The following MAP3K15 variants were observed in gnomAD, a reference collection of about 807,000 sequenced individuals.
MAP3K15 encodes the protein mitogen-activated protein kinase kinase kinase 15, also known as MAPK/ERK kinase kinase 15.
Under a neutral mutation model 99.5 loss-of-function variants are expected in MAP3K15, and 124 were observed. The observed-to-expected ratio is 1.25, with a 90% confidence interval of 1.08 to 1.45. The LOEUF is 1.45. MAP3K15 is among the 40% of genes most tolerant of loss of function. The pLI is 0.00. For missense variants in MAP3K15, 1,242 were observed against 1,079.7 expected, an observed-to-expected ratio of 1.15 and a Z score of -2.11; for synonymous variants, 494 against 439.6, an observed-to-expected ratio of 1.12 and a Z score of -1.55.
chrX:19,413,467 G>T lies in MAP3K15; in HGVS notation c.1591-3C>A. 6 of 1,180,544 alleles carry T rather than the reference G, an allele frequency of 5.1e-6. No individual in the cohort carries two copies. Among genetic ancestry groups the T allele is most frequent in the Non-Finnish European group, 5.7e-6 (5 of 871,036 alleles). On this transcript the variant is annotated splice_region_variant and splice_polypyrimidine_tract_variant and intron_variant, in intron 10 of 28. Coordinates refer to ENST00000338883, the MANE Select transcript of MAP3K15 (RefSeq NM_001001671.4). Reference sequence around the variant, plus strand: ...TTGGTTGGCTCTATGACCAGAACCTGAAACAAGAACAGATGCCTGTTAACG... The same window carrying T: ...TTGGTTGGCTCTATGACCAGAACCTTAAACAAGAACAGATGCCTGTTAACG...
intron 6 of MAP3K15, among the ~76,000 whole-genome samples, chrX:19,454,695 A>G (rs2064079542): frequency 8.9e-6 from 1 of 111,929 alleles, no homozygotes; most frequent in South Asian, 3.7e-4. Flanking sequence ...CTTGTCCATC[A>G]CTATTTTCCC....
intron 9 of MAP3K15, among the ~76,000 whole-genome samples, chrX:19,421,388 GACAA>G (rs2063782939): frequency 1.8e-5 from 2 of 110,567 alleles, no homozygotes; most frequent in African/African-American, 6.7e-5. Context: ...ACCACTAACA[GACAA>G]ACAGAGAGCC....
intron 13 of MAP3K15, among the ~76,000 whole-genome samples, chrX:19,405,751 C>G (rs946881392): frequency 1.8e-5 from 2 of 111,959 alleles, no homozygotes; most frequent in African/African-American, 6.5e-5. Context: ...TTGTCTACAA[C>G]TTACTTTTAA....
At chrX:19,396,261 C>T (rs905796475) in intron 15 of MAP3K15, among the ~76,000 whole-genome samples, 12 of 112,013 alleles carry the variant, frequency 1.1e-4, no homozygotes. Context: ...ATCATAAGTT[C>T]AGCCTATAAA....
At chrX:19,459,799 G>A (rs749633204) in intron 5 of MAP3K15, among the ~76,000 whole-genome samples, 186 bp downstream of exon 5, 3 of 112,027 alleles carry the variant, frequency 2.7e-5, no homozygotes, top group Non-Finnish European at 3.8e-5. Flanking sequence ...GCAGTGAGCC[G>A]AGATCGCACC....
At position 19,375,258 on chromosome X, in the gene MAP3K15, G is replaced by A. The variant is rs778329172; in HGVS notation, c.2590-598C>T. On this transcript the variant is annotated intron_variant, in intron 19 of 28. Coordinates refer to ENST00000338883, the MANE Select transcript of MAP3K15 (RefSeq NM_001001671.4). The stretch of plus-strand genomic sequence containing the variant: ...CAGCCTAGGGCGGCATGTCCTCTAA[G>A]GATACTCAAAGGCATCTGTTACCTG... Among the ~76,000 whole-genome samples the A allele has an allele frequency of 2.7e-5, 3 of 112,235 alleles. No homozygotes were observed. In the South Asian group the frequency reaches 1.1e-3, roughly 41 times the overall value.
intron 6 of MAP3K15, among the ~76,000 whole-genome samples, chrX:19,437,899 T>A (rs2063933407): frequency 9.0e-6 from 1 of 111,613 alleles, no homozygotes; most frequent in Non-Finnish European, 1.9e-5. Flanking sequence ...TCCTGTGTGG[T>A]CCTATAGTTT....
At position 19,400,603 on chromosome X, in the gene MAP3K15, C is replaced by G; in HGVS notation, c.1905G>C (p.Glu635Asp). The change falls in exon 14 of 29, where the codon GAG becomes GAC. Residue 635 changes from glutamate to aspartate, a missense_variant. Physicochemically the swap from Glu to Asp is conservative, Grantham distance 45. Coordinates refer to ENST00000338883, the MANE Select transcript of MAP3K15 (RefSeq NM_001001671.4). ...TNTAGSTVEL[E>D]GETDGDTLEY... The stretch of plus-strand genomic sequence containing the variant: ...CCAAGGTGTCTCCATCGGTCTCTCC[C>G]TCCAGCTCCACCGTACTGCCTGCTG... 8.3e-7 allele frequency: 1 copy of G among 1,208,149 alleles called. No individual in the cohort carries two copies. The highest frequency in any genetic ancestry group is 1.1e-6 in the Non-Finnish European group (1 of 892,815).
chrX:19,398,224 G>A lies in MAP3K15; in HGVS notation c.2066+2C>T. 1 of 1,211,310 alleles carries A rather than the reference G, an allele frequency of 8.3e-7. No individual in the cohort carries two copies. Among genetic ancestry groups the A allele is most frequent in the Non-Finnish European group, 1.1e-6 (1 of 895,295 alleles). On this transcript the variant is annotated splice_donor_variant, in intron 15 of 28. Coordinates refer to ENST00000338883, the MANE Select transcript of MAP3K15 (RefSeq NM_001001671.4). LOFTEE classifies it low-confidence loss of function (GC_TO_GT_DONOR). ...AAATGCGGAAGGCCCGCCTGGACTT[G>A]CCTGCTATCTCTCTCCGGGATTTCT...
At chrX:19,445,950 AAATC>A (rs151227342) in intron 6 of MAP3K15, among the ~76,000 whole-genome samples, 1,735 of 10,439 alleles carry the variant, frequency 0.17, 37 homozygotes, top group East Asian at 0.26. Flanking sequence ...TCCATCTCAA[AAATC>A]AATAAATAAA....
chrX:19,468,810 A>T (rs1193650310), intron 3 of MAP3K15, among the ~76,000 whole-genome samples: 1 of 111,002 alleles, frequency 9.0e-6, no homozygotes. Flanking sequence ...TGGTTTGTAG[A>T]TCTCCTTGAA....
intron 6 of MAP3K15, among the ~76,000 whole-genome samples, chrX:19,441,580 G>A (rs565939778): frequency 6.5e-4 from 72 of 111,544 alleles, no homozygotes; most frequent in African/African-American, 2.3e-3. Flanking sequence ...AAGCCATCCC[G>A]AGTAGCTGGG....
At chrX:19,476,902 G>A (rs1485132181) in intron 3 of MAP3K15, among the ~76,000 whole-genome samples, 1 of 111,542 alleles carries the variant, frequency 9.0e-6, no homozygotes, top group Non-Finnish European at 1.9e-5. Context: ...ATTTAACAGA[G>A]GAAGAAACCA....
intron 12 of MAP3K15, 123 bp downstream of exon 12, chrX:19,409,801 C>T (rs1470427618): frequency 1.1e-5 from 6 of 537,210 alleles, no homozygotes; most frequent in East Asian, 3.7e-5. Flanking sequence ...ATAGAGAGTC[C>T]ACTTTGGATT....
chrX:19,428,661 T>C (rs1380388590), intron 7 of MAP3K15, among the ~76,000 whole-genome samples: 1 of 111,872 alleles, frequency 8.9e-6, no homozygotes, highest in African/African-American at 3.2e-5. Context: ...ACTTGAGATA[T>C]GGCATAAAAA....
intron 13 of MAP3K15, among the ~76,000 whole-genome samples, chrX:19,405,280 A>G (rs1191917739): frequency 8.9e-6 from 1 of 112,077 alleles, no homozygotes; most frequent in Non-Finnish European, 1.9e-5. Context: ...ATCACCAATG[A>G]TGACACAGAA....
At chrX:19,412,015 C>T (rs993820135) in intron 11 of MAP3K15, among the ~76,000 whole-genome samples, 2 of 111,991 alleles carry the variant, frequency 1.8e-5, no homozygotes, top group African/African-American at 6.5e-5. Flanking sequence ...TCAGAGGAGA[C>T]ATGAGTCCAA....
chrX:19,478,547 G>A (rs1215192563), intron 3 of MAP3K15, among the ~76,000 whole-genome samples: 1 of 109,411 alleles, frequency 9.1e-6, no homozygotes, highest in Admixed American at 9.7e-5. Context: ...TCCTAAGCCA[G>A]AGGAGAGACT....
At chrX:19,381,886 A>G (rs1388802844) in intron 18 of MAP3K15, among the ~76,000 whole-genome samples, 2 of 112,126 alleles carry the variant, frequency 1.8e-5, no homozygotes, top group Non-Finnish European at 3.8e-5. Flanking sequence ...CCACGCATGA[A>G]TAGAACACTG....
Sources: gnomAD v4.1 joint callset for allele counts (sites outside exome capture counted in the v4.1 genomes callset) on GRCh38, gnomAD v4.1.1 for gene constraint, MANE v1.5 for transcripts, NCBI Gene and HGNC (gene_info 2026-07-23, HGNC 2026-07-21) for gene names.